NAA15: variants seen among roughly 807,000 people sequenced by gnomAD.
NAA15 encodes the protein N-terminal acetyltransferase.
In NAA15, 34 loss-of-function variants were observed where a neutral mutation model predicts 114.0. The ratio of observed to expected loss-of-function variants is 0.30; its 90% CI spans 0.23 to 0.40. The LOEUF is 0.40. NAA15 is among the 10% of genes least tolerant of loss of function. The probability of loss-of-function intolerance (pLI) is 1.00; values close to 1 mark genes in which losing one functional copy is unlikely to be tolerated. For synonymous variants in NAA15, 340 were observed against 338.0 expected (o/e 1.01, Z -0.06); for missense variants, 658 against 1,004.5 (o/e 0.66, Z 4.66).
At chr4:139,361,647 A>G in intron 13 of NAA15, 77 bp from the exon 14 acceptor site, 1 of 864,516 alleles carries the variant, frequency 1.2e-6, no homozygotes, top group South Asian at 2.0e-5. Flanking sequence ...AGTAACAAGT[A>G]TTCCAATGCT....
At chr4:139,346,230 C>T (rs772766843) in intron 6 of NAA15, among the ~76,000 whole-genome samples, 7 of 152,062 alleles carry the variant, frequency 4.6e-5, no homozygotes, top group African/African-American at 7.2e-5. Flanking sequence ...GTGTAAGTGG[C>T]GGGCAAGTAA....
chr4:139,344,468 T>A, intron 6 of NAA15, 129 bp downstream of exon 6: 1 of 676,964 alleles, frequency 1.5e-6, no homozygotes, highest in Admixed American at 3.0e-5. Flanking sequence ...TTCTTACTCG[T>A]GTACTTTTAA....
At chr4:139,319,210 T>C (rs1425800136) in intron 1 of NAA15, among the ~76,000 whole-genome samples, 2 of 152,112 alleles carry the variant, frequency 1.3e-5, no homozygotes, top group Non-Finnish European at 2.9e-5. Context: ...AGGACAGTCG[T>C]TTAAACCCGT....
Position 139,378,744 on chromosome 4 carries a change from C to T in NAA15, c.2057-12C>T, listed in dbSNP as rs755820121. On this transcript the variant is annotated splice_polypyrimidine_tract_variant and intron_variant, in intron 16 of 19. Coordinates refer to ENST00000296543, the MANE Select transcript of NAA15 (RefSeq NM_057175.5). ...CAATGATCAAAATATATCTTACTTT[C>T]TCTTTTTATAGAAAAGTTTCTTTTG... is the stretch of plus-strand genomic sequence containing the variant. 1.3e-6 allele frequency: 2 copies of T among 1,511,994 alleles called. No homozygotes were observed. Among genetic ancestry groups the T allele is most frequent in the African/African-American group, 2.9e-5 (2 of 69,440 alleles). 93.7% of individuals were successfully genotyped at this position (1,511,994 alleles called of 1,614,324 possible). A position where few individuals can be genotyped will look rare whatever the true frequency, so the allele number is the denominator to read the frequency against.
chr4:139,343,435 T>G (rs1442151941), intron 5 of NAA15, among the ~76,000 whole-genome samples: 3 of 152,228 alleles, frequency 2.0e-5, no homozygotes, highest in Non-Finnish European at 1.5e-5. Flanking sequence ...AGGATCCAAT[T>G]AAGAATCATA....
chr4:139,376,302 G>T, intron 15 of NAA15, 63 bp from the exon 16 acceptor site: 1 of 1,026,098 alleles, frequency 9.7e-7, no homozygotes. Context: ...ATTTTTAGTA[G>T]AATAAAATCA....
At chr4:139,374,407 TGAGTATGAGATGG>T (rs1748526427) in intron 15 of NAA15, among the ~76,000 whole-genome samples, 2 of 152,148 alleles carry the variant, frequency 1.3e-5, no homozygotes, top group Non-Finnish European at 2.9e-5. Context: ...GGACCCCAAC[TGAGTATGAGATGG>T]GAGGCATGAC....
At chr4:139,334,094 A>G (rs972831356) in intron 1 of NAA15, 80 bp from the exon 2 acceptor site, 6 of 824,088 alleles carry the variant, frequency 7.3e-6, no homozygotes, top group Non-Finnish European at 1.2e-5. Flanking sequence ...TGTATTTAAC[A>G]GAGTAGAGAA....
intron 14 of NAA15, among the ~76,000 whole-genome samples, chr4:139,363,308 T>C (rs2110963013): frequency 6.6e-6 from 1 of 152,314 alleles, no homozygotes; most frequent in South Asian, 2.1e-4. Context: ...AATATGAAGA[T>C]CCCCTTTCAC....
chr4:139,319,558 C>T lies in NAA15; in HGVS notation c.55-14616C>T, dbSNP rs185942284. 1.6e-3 allele frequency among the ~76,000 whole-genome samples: 246 copies of T among 152,210 alleles called. 2 individuals are homozygous for T. The highest frequency in any genetic ancestry group is 5.6e-3 in the African/African-American group (234 of 41,540). ...TCAAGCGATCCTCCCACCTCAGCCT[C>T]GTGGGCGGCTGGGATTACAGGTGTA... On this transcript the variant is annotated intron_variant, in intron 1 of 19. Transcript: ENST00000296543.
At chr4:139,315,637 A>G (rs1746386665) in intron 1 of NAA15, among the ~76,000 whole-genome samples, 1 of 151,888 alleles carries the variant, frequency 6.6e-6, no homozygotes, top group South Asian at 2.1e-4. Context: ...TGCATGCCCA[A>G]TGGTAAAGCA....
At chr4:139,348,781 G>A (rs1488069002) in intron 6 of NAA15, among the ~76,000 whole-genome samples, 5 of 152,086 alleles carry the variant, frequency 3.3e-5, no homozygotes, top group East Asian at 3.9e-4. Context: ...AAACAAAAGA[G>A]CCTAGGTTTT....
At chr4:139,367,074 G>T (rs1360050185) in intron 14 of NAA15, among the ~76,000 whole-genome samples, 4 of 152,104 alleles carry the variant, frequency 2.6e-5, no homozygotes, top group Admixed American at 1.3e-4. Context: ...AACCTTAAGT[G>T]TGACATTTCA....
chr4:139,367,140 A>G (rs936085436), intron 14 of NAA15, among the ~76,000 whole-genome samples: 1 of 152,170 alleles, frequency 6.6e-6, no homozygotes, highest in African/African-American at 2.4e-5. Context: ...TTATTTATCA[A>G]CTACACACCC....
intron 1 of NAA15, among the ~76,000 whole-genome samples, chr4:139,310,295 A>T (rs1343204978): frequency 1.3e-5 from 2 of 151,356 alleles, no homozygotes; most frequent in African/African-American, 4.9e-5. Context: ...TCTACTAAAA[A>T]TACAAAAAAT....
At chr4:139,331,753 TC>T (rs1747013610) in intron 1 of NAA15, among the ~76,000 whole-genome samples, 1 of 151,788 alleles carries the variant, frequency 6.6e-6, no homozygotes, top group Non-Finnish European at 1.5e-5. Flanking sequence ...GCATGAGCTA[TC>T]ATGCCCGGCC....
chr4:139,310,726 C>G (rs1746195036), intron 1 of NAA15, among the ~76,000 whole-genome samples: 1 of 151,742 alleles, frequency 6.6e-6, no homozygotes, highest in Non-Finnish European at 1.5e-5. Flanking sequence ...TCAAGTGATT[C>G]TCCTGCCTCA....
At chr4:139,353,688 A>G (rs934293810) in intron 9 of NAA15, among the ~76,000 whole-genome samples, 2 of 152,204 alleles carry the variant, frequency 1.3e-5, no homozygotes, top group Non-Finnish European at 2.9e-5. Context: ...TTAAATGCAA[A>G]TGTTTACTGT....
intron 1 of NAA15, among the ~76,000 whole-genome samples, chr4:139,329,746 A>G (rs190313448): frequency 1.5e-4 from 23 of 152,164 alleles, no homozygotes; most frequent in African/African-American, 4.6e-4. Flanking sequence ...TTAGTACTCA[A>G]CAGTTTTCAA....
Sources: allele counts gnomAD v4.1 joint callset (sites outside exome capture counted in the v4.1 genomes callset), GRCh38; gene constraint gnomAD v4.1.1; transcripts MANE v1.5; gene names NCBI Gene and HGNC (gene_info 2026-07-23, HGNC 2026-07-21).